The following EML4 variants were observed in gnomAD, a reference collection of about 807,000 sequenced individuals.
EML4 encodes the protein EMAP like 4.
A neutral mutation model predicts 129.0 loss-of-function variants in EML4; 72 were observed. That is an observed-to-expected ratio of 0.56 (90% confidence interval 0.46 to 0.68). The LOEUF (loss-of-function observed/expected upper bound fraction) is 0.68, where lower values mean the gene tolerates loss of function less well. Ranked by LOEUF, EML4 falls within the 30% of genes least tolerant of loss-of-function variation. The pLI, the probability that EML4 is intolerant of heterozygous loss-of-function variation, is 0.00. For missense variants in EML4, 1,363 were observed against 1,190.6 expected, an observed-to-expected ratio of 1.14 and a Z score of -2.13; for synonymous variants, 532 against 405.0, an observed-to-expected ratio of 1.31 and a Z score of -3.77.
At chr2:42,236,694 G>C (rs141993025) in intron 1 of EML4, among the ~76,000 whole-genome samples, 1 of 152,116 alleles carries the variant, frequency 6.6e-6, no homozygotes, top group South Asian at 2.1e-4. Flanking sequence ...TGGGTCATAG[G>C]ATGTGTGTGT....
intron 13 of EML4, among the ~76,000 whole-genome samples, chr2:42,296,347 A>G (rs928418082): frequency 1.3e-5 from 2 of 152,150 alleles, no homozygotes; most frequent in African/African-American, 2.4e-5. Flanking sequence ...CCAAAAAAAA[A>G]GTAAGAAAGG....
chr2:42,281,813 T>C (rs1353244903), intron 7 of EML4, among the ~76,000 whole-genome samples: 1 of 149,376 alleles, frequency 6.7e-6, no homozygotes, highest in African/African-American at 2.6e-5. Context: ...TTTTAGAACC[T>C]CCAAGAAACT....
At chr2:42,227,995 G>T (rs1204274027) in intron 1 of EML4, among the ~76,000 whole-genome samples, 1 of 152,142 alleles carries the variant, frequency 6.6e-6, no homozygotes, top group Non-Finnish European at 1.5e-5. Flanking sequence ...CAAGGTGGGC[G>T]GATTACTTGA....
chr2:42,179,269 T>G lies in EML4; in HGVS notation c.25+9633T>G, dbSNP rs1022552855. Among the ~76,000 whole-genome samples, 7 of 151,570 alleles carry G rather than the reference T, an allele frequency of 4.6e-5. No homozygotes were observed. The East Asian group carries it at 7.7e-4, about 17-fold the overall frequency. Reference sequence around the variant, plus strand: ...TAAAACGTCGGGGAGCTGGGTTTTTTTTTTTTTTTTAATATTATAAAGACA... The same window carrying G: ...TAAAACGTCGGGGAGCTGGGTTTTTGTTTTTTTTTTAATATTATAAAGACA... On this transcript the variant is annotated intron_variant, in intron 1 of 22. Transcript: ENST00000318522.
chr2:42,306,274 G>A (rs1049851927), intron 17 of EML4, among the ~76,000 whole-genome samples: 9 of 152,084 alleles, frequency 5.9e-5, no homozygotes, highest in African/African-American at 2.2e-4. Flanking sequence ...GGATTTGGAG[G>A]AAATTATTTT....
At chr2:42,214,208 C>T (rs1673043845) in intron 1 of EML4, among the ~76,000 whole-genome samples, 3 of 151,980 alleles carry the variant, frequency 2.0e-5, no homozygotes, top group Admixed American at 6.6e-5. Context: ...ATAGTGGATT[C>T]GGTATGAACT....
intron 1 of EML4, among the ~76,000 whole-genome samples, chr2:42,217,948 T>G (rs1180725959): frequency 6.6e-6 from 1 of 152,124 alleles, no homozygotes; most frequent in Non-Finnish European, 1.5e-5. Context: ...TGTGATTAAT[T>G]TATGGGTCTC....
chr2:42,216,230 CTTTTTTTTTTTT>C (rs61417977), intron 1 of EML4, among the ~76,000 whole-genome samples: 15 of 43,356 alleles, frequency 3.5e-4, no homozygotes, highest in African/African-American at 1.4e-3. Flanking sequence ...CGGCCCACTT[CTTTTTTTTTTTT>C]TTTTTTTTTT....
At chr2:42,284,567 C>G in intron 8 of EML4, 67 bp from the exon 9 acceptor site, 1 of 1,048,340 alleles carries the variant, frequency 9.5e-7, no homozygotes. Context: ...TGAAAAATGT[C>G]AGTACAAAGG....
intron 11 of EML4, chr2:42,289,348 A>G (rs1331570112): frequency 6.6e-6 from 1 of 152,142 alleles, no homozygotes; most frequent in Non-Finnish European, 1.5e-5. Context: ...CCAGGACTTT[A>G]AATGTTGGTG....
Position 42,332,304 on chromosome 2 carries a change from C to T in EML4, c.*2097C>T, listed in dbSNP as rs117801233. On this transcript the variant is annotated 3_prime_UTR_variant, in exon 23 of 23. Coordinates refer to ENST00000318522, the MANE Select transcript of EML4 (RefSeq NM_019063.5). ...GTAGTTTCAAAAGACACTACTAATA[C>T]GCAGGAAGCGTTCCAGCTATTTAAT... 1.2e-3 allele frequency: 256 copies of T among 212,172 alleles called. 2 individuals are homozygous for T. The East Asian group carries it at 0.016, about 13-fold the overall frequency. 13.1% of individuals were successfully genotyped at this position (212,172 alleles called of 1,614,324 possible). A position where few individuals can be genotyped will look rare whatever the true frequency, so the allele number is the denominator to read the frequency against.
chr2:42,325,054 G>A (rs573671825), intron 19 of EML4, among the ~76,000 whole-genome samples: 1 of 152,264 alleles, frequency 6.6e-6, no homozygotes, highest in African/African-American at 2.4e-5. Context: ...TTCAGAAGTA[G>A]CCCAGGAAAA....
rs148972684 is a variant in EML4 at position 42,301,260 on chromosome 2, A to G, written c.1509A>G (p.Lys503=). 182 of 1,612,250 alleles carry G rather than the reference A, an allele frequency of 1.1e-4. 2 individuals are homozygous for G. The African/African-American group carries it at 2.3e-3, about 20-fold the overall frequency. Residue 503 remains lysine, a synonymous_variant, in exon 14 of 23, where the codon AAA becomes AAG. Transcript: ENST00000318522. The stretch of plus-strand genomic sequence containing the variant: ...TATTAGGTGTATATCAAATCAGCAA[A>G]CAAATCAAAGCTCATGATGGCAGTG... The part of the protein sequence containing the change: ...KGPKGVYQIS[K]QIKAHDGSVF...
chr2:42,327,299 T>C (rs187068406), intron 21 of EML4, among the ~76,000 whole-genome samples: 219 of 152,382 alleles, frequency 1.4e-3, no homozygotes, highest in African/African-American at 5.1e-3. Context: ...ATACCACTGC[T>C]GTGAACAGTC....
At chr2:42,286,158 T>A (rs749241822) in intron 9 of EML4, 111 bp from the exon 10 acceptor site, 7 of 734,812 alleles carry the variant, frequency 9.5e-6, no homozygotes, top group Non-Finnish European at 1.5e-5. Context: ...TAGTAATTTA[T>A]TAGAAGCTTA....
At chr2:42,277,496 C>G (rs545685219) in intron 6 of EML4, among the ~76,000 whole-genome samples, 2 of 151,794 alleles carry the variant, frequency 1.3e-5, no homozygotes, top group African/African-American at 2.4e-5. Context: ...GTTCTTAGAT[C>G]AAACTCTGAG....
At chr2:42,190,761 G>A (rs947681675) in intron 1 of EML4, among the ~76,000 whole-genome samples, 1 of 152,188 alleles carries the variant, frequency 6.6e-6, no homozygotes, top group Non-Finnish European at 1.5e-5. Flanking sequence ...TAACTCTGTT[G>A]TAGCATGAAA....
At chr2:42,255,654 TTTC>T (rs1676093001) in intron 2 of EML4, among the ~76,000 whole-genome samples, 1 of 152,036 alleles carries the variant, frequency 6.6e-6, no homozygotes, top group Non-Finnish European at 1.5e-5. Context: ...AAAAAAAAAA[TTTC>T]TTAAGAGGTT....
At chr2:42,205,241 G>C (rs1558500422) in intron 1 of EML4, among the ~76,000 whole-genome samples, 1 of 152,110 alleles carries the variant, frequency 6.6e-6, no homozygotes, top group Non-Finnish European at 1.5e-5. Context: ...GTTGGCTTAT[G>C]TGCAACAAAA....
Sources: gnomAD v4.1 joint callset for allele counts (sites outside exome capture counted in the v4.1 genomes callset) on GRCh38, gnomAD v4.1.1 for gene constraint, MANE v1.5 for transcripts, NCBI Gene and HGNC (gene_info 2026-07-23, HGNC 2026-07-21) for gene names.